The following DLC1 variants were observed in gnomAD, a reference collection of about 807,000 sequenced individuals.
DLC1 encodes the protein rho GTPase-activating protein 7.
In DLC1, 54 loss-of-function variants were observed where a neutral mutation model predicts 140.3. The ratio of observed to expected loss-of-function variants is 0.38; its 90% CI spans 0.31 to 0.48. The LOEUF (loss-of-function observed/expected upper bound fraction) is 0.48, where lower values mean the gene tolerates loss of function less well. Among genes scored for constraint, DLC1 ranks in the 20% least tolerant of loss-of-function variants. DLC1 has a pLI of 0.96. For synonymous variants in DLC1, 986 were observed against 728.1 expected (o/e 1.35, Z -5.70); for missense variants, 2,536 against 1,907.0 (o/e 1.33, Z -6.14).
chr8:13,235,796 C>T (rs1212488801), intron 5 of DLC1, among the ~76,000 whole-genome samples: 1 of 151,982 alleles, frequency 6.6e-6, no homozygotes. Context: ...GCCACATACA[C>T]ATTCAGCCAT....
At chr8:13,317,512 G>C (rs912389015) in intron 4 of DLC1, among the ~76,000 whole-genome samples, 23 of 152,230 alleles carry the variant, frequency 1.5e-4, no homozygotes, top group African/African-American at 5.3e-4. Flanking sequence ...AGGAGATGAA[G>C]AGAGAAGGAA....
Position 13,571,278 on chromosome 8 carries a change from C to T in DLC1, c.-126+33259G>A, listed in dbSNP as rs768066939. ...TTAATAGTACCATTCAGTAGCATGA[C>T]ATCCATAATGTTGTGCAACCATCAC... On this transcript the variant is annotated intron_variant, in intron 1 of 1. Transcript: ENST00000631382. Among the ~76,000 whole-genome samples the T allele has an allele frequency of 2.6e-5, 4 of 152,090 alleles. No homozygotes were observed. The East Asian group carries it at 5.8e-4, about 22-fold the overall frequency.
chr8:13,547,200 A>G (rs929487945), intron 1 of DLC1, among the ~76,000 whole-genome samples: 27 of 152,108 alleles, frequency 1.8e-4, no homozygotes, highest in African/African-American at 6.5e-4. Context: ...TAGAACTCAT[A>G]ATAAACAACT....
intron 1 of DLC1, among the ~76,000 whole-genome samples, chr8:13,506,229 A>G (rs1454817229): frequency 1.3e-5 from 2 of 152,166 alleles, no homozygotes; most frequent in African/African-American, 2.4e-5. Context: ...ATGTAAACAC[A>G]CACATATATA....
At chr8:13,437,398 T>C (rs745817055) in intron 2 of DLC1, among the ~76,000 whole-genome samples, 3 of 152,220 alleles carry the variant, frequency 2.0e-5, no homozygotes, top group Non-Finnish European at 4.4e-5. Context: ...CAATTGAGCA[T>C]CTTTCGAAAG....
intron 4 of DLC1, among the ~76,000 whole-genome samples, chr8:13,347,556 T>C (rs547818107): frequency 1.3e-5 from 2 of 152,276 alleles, no homozygotes; most frequent in East Asian, 3.9e-4. Flanking sequence ...TGTGTATATT[T>C]AAGACTTGAA....
intron 1 of DLC1, among the ~76,000 whole-genome samples, chr8:13,573,089 C>T (rs1410994235): frequency 6.6e-6 from 1 of 152,156 alleles, no homozygotes; most frequent in Non-Finnish European, 1.5e-5. Context: ...CAATATTGAG[C>T]ATTCCAATTC....
chr8:13,567,320 A>C (rs1386171379), intron 1 of DLC1: 1 of 1,551,732 alleles, frequency 6.4e-7, no homozygotes, highest in East Asian at 2.4e-5. Flanking sequence ...CTTCCAACAG[A>C]AATCACTCGG....
At chr8:13,559,613 A>AAAAATTAC (rs1804172977) in intron 1 of DLC1, among the ~76,000 whole-genome samples, 1 of 152,220 alleles carries the variant, frequency 6.6e-6, no homozygotes. Context: ...TTGTAAGTAG[A>AAAAATTAC]AAAATTACAA....
chr8:13,603,362 A>G (rs946955459), intron 1 of DLC1, among the ~76,000 whole-genome samples: 8 of 151,690 alleles, frequency 5.3e-5, no homozygotes, highest in Admixed American at 3.9e-4. Flanking sequence ...TGATATAGAC[A>G]GAGTTTGATT....
intron 4 of DLC1, among the ~76,000 whole-genome samples, chr8:13,382,529 A>AAAAAAAAAAAAAAAAAGAAAG (rs557423876): frequency 9.1e-6 from 1 of 109,432 alleles, no homozygotes; most frequent in Non-Finnish European, 1.8e-5. Flanking sequence ...AAAAAAAAAA[A>AAAAAAAAAAAAAAAAAGAAAG]AAAGAAAGAG....
chr8:13,214,775 C>G (rs773577820), intron 5 of DLC1: 1 of 780,618 alleles, frequency 1.3e-6, no homozygotes, highest in African/African-American at 1.7e-5. Flanking sequence ...GATTTTACCG[C>G]TGCTGGGTTC....
chr8:13,476,948 C>A (rs780348770), intron 2 of DLC1, among the ~76,000 whole-genome samples: 3 of 152,022 alleles, frequency 2.0e-5, no homozygotes, highest in Non-Finnish European at 4.4e-5. Context: ...TTCTCTTTTT[C>A]TGGGTACATA....
rs1818980911 is a variant in DLC1, at chr8:13,100,584, G to A, written c.1753C>T (p.Leu585Phe). The A allele has an allele frequency of 1.2e-6, 2 of 1,613,858 alleles. No homozygotes were observed. Among genetic ancestry groups the A allele is most frequent in the African/African-American group, 1.3e-5 (1 of 75,068 alleles). The change falls in exon 9 of 18, where the codon CTC (leucine) becomes TTC (phenylalanine). Residue 585 changes from leucine (L) to phenylalanine (F), a missense_variant. By Grantham distance (22) the Leu-to-Phe change is conservative (BLOSUM62 0). Coordinates refer to ENST00000276297, the MANE Select transcript of DLC1 (RefSeq NM_182643.3). The part of the protein sequence containing the change: ...GPSPGGTLMD[L>F]SERQEVSSVR... ...GAAGACACCTCCTGGCGCTCGCTGA[G>A]GTCCATCAGCGTGCCTCCGGGGCTG...
At chr8:13,370,115 C>A (rs1835664339) in intron 4 of DLC1, among the ~76,000 whole-genome samples, 1 of 151,118 alleles carries the variant, frequency 6.6e-6, no homozygotes, top group Non-Finnish European at 1.5e-5. Context: ...TACTCAAAAA[C>A]CTAATGTCAC....
chr8:13,140,944 A>G lies in DLC1; in HGVS notation c.1349-25287T>C, dbSNP rs942952139. On this transcript the variant is annotated intron_variant, in intron 5 of 17. Transcript: ENST00000276297. Reference sequence around the variant, plus strand: ...AGTATCACATATAGATGCCTTGCTTAGAGTGAGGCCTCTATAAAAGCCTGC... The same window carrying G: ...AGTATCACATATAGATGCCTTGCTTGGAGTGAGGCCTCTATAAAAGCCTGC... Among the ~76,000 whole-genome samples, 12 of 152,172 alleles carry G rather than the reference A, an allele frequency of 7.9e-5. No homozygotes were observed. In the South Asian group the frequency reaches 1.0e-3, roughly 13 times the overall value.
At chr8:13,214,576 TG>T in intron 5 of DLC1, 8 of 650,352 alleles carry the variant, frequency 1.2e-5, no homozygotes, top group Admixed American at 2.4e-5. Flanking sequence ...TTTTTTTTTG[TG>T]GCTGCCCGAG....
chr8:13,499,264 A>C lies in DLC1; in HGVS notation c.808T>G (p.Leu270Val). 6.2e-7 allele frequency: 1 copy of C among 1,614,182 alleles called. No individual in the cohort carries two copies. Among genetic ancestry groups the C allele is most frequent in the Non-Finnish European group, 8.5e-7 (1 of 1,180,018 alleles). The change falls in exon 2 of 18, where the codon TTA (leucine) becomes GTA (valine). Residue 270 changes from leucine (L) to valine (V), a missense_variant. Transcript: ENST00000276297. ...AGGCAGCTTCCAAAATCTGTTTTTA[A>C]TAATGGCAGTCCTCTGTTTGTGCAA... ...TPCTNRGLPL[L>V]KTDFGSCLLQ...
chr8:13,259,084 C>A (rs1335303005), intron 5 of DLC1, among the ~76,000 whole-genome samples: 2 of 148,514 alleles, frequency 1.3e-5, no homozygotes, highest in Non-Finnish European at 3.0e-5. Context: ...TTGCAGTGAG[C>A]CGAGATCACA....
Sources: gnomAD v4.1 joint callset for allele counts (sites outside exome capture counted in the v4.1 genomes callset) on GRCh38, gnomAD v4.1.1 for gene constraint, MANE v1.5 for transcripts, NCBI Gene and HGNC (gene_info 2026-07-23, HGNC 2026-07-21) for gene names.